The following NXPE4 variants were observed in gnomAD, a reference collection of about 807,000 sequenced individuals.
NXPE4 encodes the protein neurexophilin and PC-esterase domain family member 4.
NXPE4 carries 42 observed loss-of-function variants against 33.3 expected under a neutral mutation model. The observed-to-expected ratio is 1.26, with a 90% CI of 0.98 to 1.63. NXPE4 has a LOEUF of 1.63. NXPE4 is among the 40% of genes most tolerant of loss of function. NXPE4 has a pLI of 0.00. For synonymous variants in NXPE4, 253 were observed against 234.9 expected, an observed-to-expected ratio of 1.08 and a Z score of -0.71; for missense variants, 709 against 647.6, an observed-to-expected ratio of 1.09 and a Z score of -1.03.
At chr11:114,581,655 C>A (rs2135227735) in intron 4 of NXPE4, 70 bp downstream of exon 4, 2 of 1,262,768 alleles carry the variant, frequency 1.6e-6, no homozygotes, top group East Asian at 2.4e-5. Context: ...TGAACAAATC[C>A]AGTAGAAAGA....
chr11:114,651,531 C>T, the NXPE4 span, among the ~76,000 whole-genome samples: 1 of 152,196 alleles, frequency 6.6e-6, no homozygotes, highest in African/African-American at 2.4e-5. Flanking sequence ...GGAAGAGAAT[C>T]CGAAAAGATT....
At chr11:114,650,141 G>A in the NXPE4 span, among the ~76,000 whole-genome samples, 2 of 152,108 alleles carry the variant, frequency 1.3e-5, no homozygotes. Context: ...CAAGTAGCAA[G>A]AAGACCAAAT....
At chr11:114,603,001 A>G in the NXPE4 span, among the ~76,000 whole-genome samples, 1 of 151,112 alleles carries the variant, frequency 6.6e-6, no homozygotes, top group East Asian at 1.9e-4. Flanking sequence ...TAATTACAGA[A>G]TCATATATAA....
chr11:114,594,696 T>C lies in NXPE4; in HGVS notation c.64A>G (p.Ile22Val). 6.2e-7 allele frequency: 1 copy of C among 1,604,022 alleles called. No homozygotes were observed. Among genetic ancestry groups the C allele is most frequent in the Non-Finnish European group, 8.5e-7 (1 of 1,173,258 alleles). The change falls in exon 2 of 6, where the codon ATC becomes GTC. Residue 22 changes from isoleucine (I) to valine (V), a missense_variant. Coordinates refer to ENST00000375478, the MANE Select transcript of NXPE4 (RefSeq NM_001077639.2). Reference protein sequence around the residue: ...LALLFILASWIIFTVFQNSTK... With the variant: ...LALLFILASWVIFTVFQNSTK... Reference sequence around the variant, plus strand: ...GAGTTCTGGAAAACTGTAAAAATGATCCAGGAGGCTAATATAAACAACAGT... The same window carrying C: ...GAGTTCTGGAAAACTGTAAAAATGACCCAGGAGGCTAATATAAACAACAGT...
At chr11:114,666,011 T>C in the NXPE4 span, among the ~76,000 whole-genome samples, 15 of 152,110 alleles carry the variant, frequency 9.9e-5, no homozygotes, top group Middle Eastern at 3.2e-3. Flanking sequence ...CCGATTCCAG[T>C]GCCCTTACTT....
the NXPE4 span, among the ~76,000 whole-genome samples, chr11:114,643,706 T>C: frequency 1.3e-5 from 2 of 151,246 alleles, no homozygotes; most frequent in East Asian, 3.9e-4. Context: ...CCTCCACCTT[T>C]GTTCTTTTTG....
At chr11:114,671,280 A>C in the NXPE4 span, among the ~76,000 whole-genome samples, 1 of 151,496 alleles carries the variant, frequency 6.6e-6, no homozygotes, top group Non-Finnish European at 1.5e-5. Context: ...ATATAAATAG[A>C]TCTTTAGAGA....
At chr11:114,645,733 G>A in the NXPE4 span, among the ~76,000 whole-genome samples, 1 of 152,020 alleles carries the variant, frequency 6.6e-6, no homozygotes, top group East Asian at 1.9e-4. Flanking sequence ...CATATAAAGT[G>A]ATATTTGAAT....
upstream of NXPE4, chr11:114,595,816 G>A (rs943761695): frequency 1.3e-5 from 2 of 152,256 alleles, no homozygotes; most frequent in African/African-American, 2.4e-5. Context: ...CCTTAAGGAG[G>A]GGCCTGGATC....
upstream of NXPE4, among the ~76,000 whole-genome samples, chr11:114,598,966 A>C (rs111356796): frequency 2.6e-5 from 4 of 152,246 alleles, no homozygotes; most frequent in African/African-American, 9.6e-5. Context: ...GAATTCCTCC[A>C]CTGAAAATGA....
At chr11:114,601,894 T>C in the NXPE4 span, among the ~76,000 whole-genome samples, 1 of 41,538 alleles carries the variant, frequency 2.4e-5, no homozygotes, top group African/African-American at 6.7e-5. Context: ...TTATATATTA[T>C]ATTTATATAT....
the NXPE4 span, among the ~76,000 whole-genome samples, chr11:114,619,088 G>A: frequency 1.3e-5 from 2 of 152,012 alleles, no homozygotes; most frequent in South Asian, 2.1e-4. Context: ...TGCATCATGG[G>A]TAACCACTGT....
chr11:114,571,599 T>C (rs1327940825), intron 5 of NXPE4, 126 bp from the exon 6 acceptor site: 33 of 911,084 alleles, frequency 3.6e-5, no homozygotes, highest in Non-Finnish European at 4.1e-5. Context: ...TTATTATAGG[T>C]TTAGATGAGG....
the NXPE4 span, among the ~76,000 whole-genome samples, chr11:114,661,387 C>T: frequency 6.6e-6 from 1 of 152,122 alleles, no homozygotes; most frequent in Non-Finnish European, 1.5e-5. Context: ...ACAAGTCAGG[C>T]AAAGCAACTT....
intron 5 of NXPE4, among the ~76,000 whole-genome samples, chr11:114,576,465 C>T (rs371104743): frequency 6.6e-5 from 10 of 151,710 alleles, no homozygotes; most frequent in East Asian, 1.9e-4. Flanking sequence ...ACAAAGGGCT[C>T]ATATCCAGAA....
At chr11:114,657,499 C>T in the NXPE4 span, among the ~76,000 whole-genome samples, 1 of 152,064 alleles carries the variant, frequency 6.6e-6, no homozygotes, top group Non-Finnish European at 1.5e-5. Context: ...TTGCAGGTAT[C>T]ACAAAGTGCC....
chr11:114,605,753 C>A, the NXPE4 span, among the ~76,000 whole-genome samples: 1 of 151,790 alleles, frequency 6.6e-6, no homozygotes, highest in Non-Finnish European at 1.5e-5. Flanking sequence ...ATAAGTATTG[C>A]CCCTAGGGTA....
the NXPE4 span, among the ~76,000 whole-genome samples, chr11:114,645,616 A>C: frequency 6.6e-6 from 1 of 152,212 alleles, no homozygotes; most frequent in Non-Finnish European, 1.5e-5. Flanking sequence ...ATGTCCAATT[A>C]ATAAAATGAA....
chr11:114,606,904 C>T, the NXPE4 span, among the ~76,000 whole-genome samples: 8 of 151,934 alleles, frequency 5.3e-5, no homozygotes, highest in South Asian at 1.0e-3. Flanking sequence ...ACCACTGTTA[C>T]CCGGTGGATA....
Sources: allele counts gnomAD v4.1 joint callset (sites outside exome capture counted in the v4.1 genomes callset), GRCh38; gene constraint gnomAD v4.1.1; transcripts MANE v1.5; gene names NCBI Gene and HGNC (gene_info 2026-07-23, HGNC 2026-07-21).